The following MTTP variants were observed in gnomAD, a reference collection of about 807,000 sequenced individuals.
The protein encoded by MTTP is microsomal triglyceride transfer protein large subunit.
In MTTP, 49 loss-of-function variants were observed where a neutral mutation model predicts 90.6. That is an observed-to-expected ratio of 0.54 (90% CI 0.43 to 0.69). The LOEUF is 0.69. MTTP is among the 30% of genes least tolerant of loss of function. The pLI, the probability that MTTP is intolerant of heterozygous loss-of-function variation, is 0.00. For missense variants in MTTP, 945 were observed against 1,067.5 expected (o/e 0.89, Z 1.60); for synonymous variants, 347 against 384.2 (o/e 0.90, Z 1.13).
chr4:99,571,245 T>C (rs1162811226), upstream of MTTP, among the ~76,000 whole-genome samples: 3 of 151,954 alleles, frequency 2.0e-5, no homozygotes, highest in African/African-American at 7.2e-5. Flanking sequence ...TAAGAATTAG[T>C]TCATAAATGT....
At chr4:99,604,585 G>GT (rs1725769990) in intron 10 of MTTP, among the ~76,000 whole-genome samples, 1 of 151,998 alleles carries the variant, frequency 6.6e-6, no homozygotes, top group African/African-American at 2.4e-5. Context: ...ATAATAAATT[G>GT]CAGACATCTG....
chr4:99,600,985 T>C (rs1186881150), intron 9 of MTTP, among the ~76,000 whole-genome samples: 3 of 152,166 alleles, frequency 2.0e-5, no homozygotes, highest in Admixed American at 2.0e-4. Flanking sequence ...TCACCTATCA[T>C]GTTATATAGC....
Position 99,612,033 on chromosome 4 carries a change from A to G in MTTP, c.1989+580A>G, listed in dbSNP as rs527622519. Among the ~76,000 whole-genome samples the G allele has an allele frequency of 8.5e-5, 13 of 152,344 alleles. No homozygotes were observed. In the South Asian group the frequency reaches 2.5e-3, roughly 29 times the overall value. ...GTTATCCAAATTGAGGTGATGGTCT[A>G]TAAAGACTTCCTAATAATGACATGT... On this transcript the variant is annotated intron_variant, in intron 14 of 17. Coordinates refer to ENST00000265517, the MANE Select transcript of MTTP (RefSeq NM_001386140.1).
chr4:99,597,457 G>A (rs1725585831), intron 8 of MTTP, among the ~76,000 whole-genome samples: 1 of 152,170 alleles, frequency 6.6e-6, no homozygotes, highest in South Asian at 2.1e-4. Context: ...ATGTTGTTGT[G>A]TTTATGAGTT....
At chr4:99,609,752 A>G (rs1475912247) in intron 12 of MTTP, among the ~76,000 whole-genome samples, 2 of 152,346 alleles carry the variant, frequency 1.3e-5, no homozygotes, top group East Asian at 1.9e-4. Context: ...AGGAAGACAT[A>G]AGAAACGGGT....
chr4:99,582,078 T>G lies in MTTP; in HGVS notation c.235T>G (p.Leu79Val), dbSNP rs1210122454. 2 of 1,614,160 alleles carry G rather than the reference T, an allele frequency of 1.2e-6. No individual in the cohort carries two copies. The highest frequency in any genetic ancestry group is 1.7e-5 in the Admixed American group (1 of 60,018). The change falls in exon 2 of 18, where the codon TTG (leucine) becomes GTG (valine). Residue 79 changes from leucine to valine, a missense_variant. Physicochemically the swap from Leu to Val is conservative, Grantham distance 32. Coordinates refer to ENST00000265517, the MANE Select transcript of MTTP (RefSeq NM_001386140.1). ...WRNPDGDDDQLIQITMKDVNV... is the reference protein window; with the variant it reads ...WRNPDGDDDQVIQITMKDVNV... The stretch of plus-strand genomic sequence containing the variant: ...GAATCCTGATGGTGATGATGACCAG[T>G]TGATCCAAATAACGGTGGGCATTTT...
At chr4:99,572,267 TA>T (rs899677194), upstream of MTTP, among the ~76,000 whole-genome samples, 1 of 152,034 alleles carries the variant, frequency 6.6e-6, no homozygotes, top group Non-Finnish European at 1.5e-5. Flanking sequence ...TTGATCTAAC[TA>T]TCATAGATCA....
chr4:99,566,237 C>T (rs887536839), intron 1 of MTTP, among the ~76,000 whole-genome samples: 22 of 138,902 alleles, frequency 1.6e-4, no homozygotes, highest in African/African-American at 5.8e-4. Context: ...TGCGGTGAGG[C>T]GAGATCCTGC....
rs565621080 is a variant in MTTP at position 99,579,483 on chromosome 4, G to A, written c.62-2422G>A. 3.3e-5 allele frequency among the ~76,000 whole-genome samples: 5 copies of A among 152,212 alleles called. No homozygotes were observed. In the East Asian group the frequency reaches 9.7e-4, roughly 29 times the overall value. ...GAAAGGGTAGGAGTTGGGGGAGGGG[G>A]ATGCCCTTCCCACAGATATCCATGT... On this transcript the variant is annotated intron_variant, in intron 1 of 17. Coordinates refer to ENST00000265517, the MANE Select transcript of MTTP (RefSeq NM_001386140.1).
chr4:99,621,811 G>T (rs1047852724), intron 17 of MTTP, among the ~76,000 whole-genome samples: 2 of 152,122 alleles, frequency 1.3e-5, no homozygotes, highest in Admixed American at 1.3e-4. Context: ...TAACATTTGT[G>T]CTGTGTCATT....
intron 1 of MTTP, among the ~76,000 whole-genome samples, chr4:99,568,880 T>C (rs1724768689): frequency 6.6e-6 from 1 of 152,132 alleles, no homozygotes. Flanking sequence ...ATTGATATAG[T>C]GATTAAATAA....
chr4:99,577,218 G>T (rs190910787), intron 1 of MTTP, among the ~76,000 whole-genome samples: 17 of 152,254 alleles, frequency 1.1e-4, no homozygotes, highest in African/African-American at 4.1e-4. Flanking sequence ...GGGATCCCAT[G>T]CCTCATTGCC....
intron 3 of MTTP, chr4:99,584,313 A>C (rs1186254290): frequency 1.3e-5 from 2 of 152,102 alleles, no homozygotes; most frequent in Non-Finnish European, 2.9e-5. Context: ...CAAAAGCAGG[A>C]AAACAGAAAG....
intron 2 of MTTP, 34 bp from the exon 3 acceptor site, chr4:99,583,340 G>GT (rs761238948): frequency 1.2e-5 from 19 of 1,608,324 alleles, no homozygotes; most frequent in Middle Eastern, 1.8e-4. Context: ...GATATAGGAA[G>GT]TTTTTTTTAA....
At chr4:99,611,928 C>T (rs150967427) in intron 14 of MTTP, among the ~76,000 whole-genome samples, 1 of 152,216 alleles carries the variant, frequency 6.6e-6, no homozygotes, top group Non-Finnish European at 1.5e-5. Context: ...AAGAGTCAAT[C>T]TGTATTTCTC....
At chr4:99,565,944 C>T (rs538103292) in intron 1 of MTTP, among the ~76,000 whole-genome samples, 4 of 152,250 alleles carry the variant, frequency 2.6e-5, no homozygotes, top group Admixed American at 2.6e-4. Context: ...ACTTGGACAA[C>T]TGTAGGAATG....
chr4:99,564,335 A>T, intron 1 of MTTP: 3 of 1,149,714 alleles, frequency 2.6e-6, no homozygotes, highest in Non-Finnish European at 3.6e-6. Context: ...ATGAGAGAAA[A>T]ACATCTCTTG....
chr4:99,579,516 C>T (rs1725046740), intron 1 of MTTP, among the ~76,000 whole-genome samples: 1 of 152,110 alleles, frequency 6.6e-6, no homozygotes, highest in South Asian at 2.1e-4. Context: ...TGTAGCTCAC[C>T]GAAAACCTTT....
chr4:99,579,025 A>G (rs1000232054), intron 1 of MTTP, among the ~76,000 whole-genome samples: 1 of 152,198 alleles, frequency 6.6e-6, no homozygotes, highest in Non-Finnish European at 1.5e-5. Flanking sequence ...AGACATAGAG[A>G]TAAGAGGGAA....
Sources: allele counts gnomAD v4.1 joint callset (sites outside exome capture counted in the v4.1 genomes callset), GRCh38; gene constraint gnomAD v4.1.1; transcripts MANE v1.5; gene names NCBI Gene and HGNC (gene_info 2026-07-23, HGNC 2026-07-21).